The following HSF4 variants were observed in gnomAD, a reference collection of about 807,000 sequenced individuals.
HSF4 encodes the protein heat shock transcription factor 4.
Under a neutral mutation model 52.0 loss-of-function variants are expected in HSF4, and 41 were observed. That is an observed-to-expected ratio of 0.79 (90% CI 0.61 to 1.02). HSF4 has a LOEUF of 1.02. Ranked by LOEUF, HSF4 falls within the 50% of genes least tolerant of loss-of-function variation. The pLI, the probability that HSF4 is intolerant of heterozygous loss-of-function variation, is 0.00. For synonymous variants in HSF4, 285 were observed against 273.0 expected (o/e 1.04, Z -0.43); for missense variants, 610 against 651.1 (o/e 0.94, Z 0.69).
Position 67,169,901 on chromosome 16 carries a change from A to G in HSF4, c.*116A>G. On this transcript the variant is annotated 3_prime_UTR_variant, in exon 13 of 13. Coordinates refer to ENST00000521374, the MANE Select transcript of HSF4 (RefSeq NM_001374675.1). The surrounding 1 kb of genome is among the most constrained non-coding windows in gnomAD (Gnocchi z 4.3). Reference sequence around the variant, plus strand: ...CCCCACTACTAAATGGCCTCTCTCCACTACCCCGACTATCCCTGCACATAA... The same window carrying G: ...CCCCACTACTAAATGGCCTCTCTCCGCTACCCCGACTATCCCTGCACATAA... The G allele has an allele frequency of 1.0e-6, 1 of 991,352 alleles. No homozygotes were observed. The highest frequency in any genetic ancestry group is 1.6e-6 in the Non-Finnish European group (1 of 636,924). The allele number at this position is 991,352 out of a possible 1,614,324, so 61.4% of individuals were successfully genotyped here.
upstream of HSF4, chr16:67,164,101 G>A (rs762695164): frequency 1.6e-5 from 11 of 681,464 alleles, no homozygotes; most frequent in South Asian, 1.4e-4. Context: ...CCGCGGCCCC[G>A]GCGCAGGGAG....
chr16:67,167,764 G>T lies in HSF4; in HGVS notation c.899G>T (p.Gly300Val). The T allele has an allele frequency of 1.9e-6, 3 of 1,605,642 alleles. No individual in the cohort carries two copies. The highest frequency in any genetic ancestry group is 2.5e-6 in the Non-Finnish European group (3 of 1,176,590). Residue 300 changes from glycine to valine, a missense_variant, in exon 9 of 13, where the codon GGG (glycine) becomes GTG (valine). By Grantham distance (109) the Gly-to-Val change is moderately radical (BLOSUM62 -3). Coordinates refer to ENST00000521374, the MANE Select transcript of HSF4 (RefSeq NM_001374675.1). Reference sequence around the variant, plus strand: ...CTCAAAGAAGAGCCGGCCAGTCCAGGGGGGGATGGCGAGGCCGGGCTGGCC... The same window carrying T: ...CTCAAAGAAGAGCCGGCCAGTCCAGTGGGGGATGGCGAGGCCGGGCTGGCC... ...ALLKEEPASP[G>V]GDGEAGLALA... is the part of the protein sequence containing the mutation.
chr16:67,164,375 T>TCCCCCCCCC, upstream of HSF4: 1 of 402,870 alleles, frequency 2.5e-6, no homozygotes, highest in East Asian at 7.4e-5. Flanking sequence ...CGTGCTTCCC[T>TCCCCCCCCC]GCCCCCCCTT....
chr16:67,169,500 G>C lies in HSF4; in HGVS notation c.1325-131G>C. 6.3e-7 allele frequency: 1 copy of C among 1,582,468 alleles called. No homozygotes were observed. Among genetic ancestry groups the C allele is most frequent in the East Asian group, 2.3e-5 (1 of 43,676 alleles). On this transcript the variant is annotated intron_variant, in intron 12 of 12. Coordinates refer to ENST00000521374, the MANE Select transcript of HSF4 (RefSeq NM_001374675.1). The surrounding 1 kb of genome is among the most constrained non-coding windows in gnomAD (Gnocchi z 4.3). ...TTGAGCCACCCATGCCCTCACCATT[G>C]GGCGAGAGTGGGGAGGTTAAGAATG...
intron 6 of HSF4, 40 bp downstream of exon 6, chr16:67,166,662 G>A (rs1435032423): frequency 6.3e-7 from 1 of 1,588,924 alleles, no homozygotes; most frequent in East Asian, 2.2e-5. Flanking sequence ...CCACTTCCAA[G>A]ACCCCCCAGA....
chr16:67,166,018 G>T lies in HSF4; in HGVS notation c.433G>T (p.Ala145Ser), dbSNP rs900711365. The change falls in exon 4 of 13, where the codon GCT (alanine) becomes TCT (serine). Residue 145 changes from alanine to serine, a missense_variant. Coordinates refer to ENST00000521374, the MANE Select transcript of HSF4 (RefSeq NM_001374675.1). The part of the protein sequence containing the change: ...DLGRLLGEVQ[A>S]LRGVQESTEA... Reference sequence around the variant, plus strand: ...GGGTCGACTACTGGGCGAGGTGCAGGCTTTGCGGGGAGTGCAGGAGAGCAC... The same window carrying T: ...GGGTCGACTACTGGGCGAGGTGCAGTCTTTGCGGGGAGTGCAGGAGAGCAC... The T allele has an allele frequency of 2.6e-6, 4 of 1,536,596 alleles. No homozygotes were observed. Among genetic ancestry groups the T allele is most frequent in the Admixed American group, 2.0e-5 (1 of 51,176 alleles).
chr16:67,163,956 T>G (rs1393466470), upstream of HSF4: 1 of 1,341,854 alleles, frequency 7.5e-7, no homozygotes, highest in East Asian at 2.5e-5. Context: ...AGTTGGGAAC[T>G]GTGATGGCAT....
rs1270242606 is a variant in HSF4, at chr16:67,167,547, G to A, written c.802G>A (p.Asp268Asn). Reference sequence around the variant, plus strand: ...CCCCATCATCTCTGACATCCCAGAAGACTCTCCATCCCCTGAGGGGACCAG... The same window carrying A: ...CCCCATCATCTCTGACATCCCAGAAAACTCTCCATCCCCTGAGGGGACCAG... ...RGPIISDIPEDSPSPEGTRLS... is the reference protein window; with the variant it reads ...RGPIISDIPENSPSPEGTRLS... Residue 268 changes from aspartate (D) to asparagine (N), a missense_variant, in exon 8 of 13, where the codon GAC becomes AAC. By Grantham distance (23) the Asp-to-Asn change is conservative. Coordinates refer to ENST00000521374, the MANE Select transcript of HSF4 (RefSeq NM_001374675.1). 1 of 1,613,782 alleles carries A rather than the reference G, an allele frequency of 6.2e-7. No homozygotes were observed. The highest frequency in any genetic ancestry group is 1.1e-5 in the South Asian group (1 of 91,082).
chr16:67,169,083 G>A lies in HSF4; in HGVS notation c.1236G>A (p.Leu412=), dbSNP rs970761688. Residue 412 remains leucine, a synonymous_variant, in exon 11 of 13, where the codon TTG becomes TTA. Transcript: ENST00000521374. The surrounding 1 kb of genome is among the most constrained non-coding windows in gnomAD (Gnocchi z 4.3). ...LQGREWTLMD[L]DMELSLMQPL... ...GGCGAGAATGGACCCTGATGGACTT[G>A]GACATGGAGCTGTCCTTGGTAAGAA... 4 of 1,613,290 alleles carry A rather than the reference G, an allele frequency of 2.5e-6. No individual in the cohort carries two copies. In the African/African-American group the frequency reaches 5.3e-5, roughly 22 times the overall value.
Position 67,165,426 on chromosome 16 carries a change from T to G in HSF4, c.124-96T>G. The G allele has an allele frequency of 9.1e-7, 1 of 1,103,508 alleles. No individual in the cohort carries two copies. Among genetic ancestry groups the G allele is most frequent in the Non-Finnish European group, 1.4e-6 (1 of 721,162 alleles). The allele number at this position is 1,103,508 out of a possible 1,614,324, so 68.4% of individuals were successfully genotyped here. A position where few individuals can be genotyped will look rare whatever the true frequency, so the allele number is the denominator to read the frequency against. On this transcript the variant is annotated intron_variant, in intron 1 of 12. Coordinates refer to ENST00000521374, the MANE Select transcript of HSF4 (RefSeq NM_001374675.1). This position sits in a 1 kb window ranked among gnomAD's most constrained non-coding sequence, Gnocchi z 6.9. Reference sequence around the variant, plus strand: ...GCCTGGACCCAAGAGTGAGCATGAGTGTGTGCGCGCGCTGGAGCGCAGGAC... The same window carrying G: ...GCCTGGACCCAAGAGTGAGCATGAGGGTGTGCGCGCGCTGGAGCGCAGGAC...
chr16:67,165,393 A>G lies in HSF4; in HGVS notation c.124-129A>G, dbSNP rs2031179225. 5.8e-6 allele frequency: 5 copies of G among 864,712 alleles called. No individual in the cohort carries two copies. Among genetic ancestry groups the G allele is most frequent in the South Asian group, 5.5e-5 (4 of 72,086 alleles). 53.6% of individuals were successfully genotyped at this position (864,712 alleles called of 1,614,324 possible). On this transcript the variant is annotated intron_variant, in intron 1 of 12. Transcript: ENST00000521374. The surrounding 1 kb of genome is among the most constrained non-coding windows in gnomAD (Gnocchi z 6.9). ...CCTGGCCTCGACCCATATCCCCGTA[A>G]GCGGCAGGCCTGGACCCAAGAGTGA...
rs1460986986 is a variant in HSF4 at position 67,167,117 on chromosome 16, C to T, written c.627-3C>T. On this transcript the variant is annotated splice_region_variant and splice_polypyrimidine_tract_variant and intron_variant, in intron 6 of 12. Coordinates refer to ENST00000521374, the MANE Select transcript of HSF4 (RefSeq NM_001374675.1). ...CCTGCCTGTGCCCTGATCGACCACA[C>T]AGGTCCCTGATGCTGGATGAGGGGA... is the stretch of plus-strand genomic sequence containing the variant. 1.2e-6 allele frequency: 2 copies of T among 1,614,032 alleles called. No homozygotes were observed. The highest frequency in any genetic ancestry group is 1.1e-5 in the South Asian group (1 of 91,094).
In HSF4 at chr16:67,164,776, C is replaced by T; in HGVS notation, c.-36C>T. ...CGCGGCTTTGACGAGCCCGCAGCGG[C>T]CGGGCCCGAGCGCAGAGCCGGGCCG... On this transcript the variant is annotated 5_prime_UTR_variant, in exon 1 of 13. Coordinates refer to ENST00000521374, the MANE Select transcript of HSF4 (RefSeq NM_001374675.1). The T allele has an allele frequency of 6.4e-7, 1 of 1,571,408 alleles. No homozygotes were observed. The highest frequency in any genetic ancestry group is 1.1e-5 in the South Asian group (1 of 87,988).
chr16:67,163,774 A>C, upstream of HSF4: 1 of 1,572,902 alleles, frequency 6.4e-7, no homozygotes, highest in Non-Finnish European at 8.6e-7. Context: ...TATACCCTCA[A>C]GCTCACGCGC....
rs2145923481 is a variant in HSF4, at chr16:67,167,404, T to A, written c.730-71T>A. 3 of 1,612,630 alleles carry A rather than the reference T, an allele frequency of 1.9e-6. No individual in the cohort carries two copies. The East Asian group carries it at 6.7e-5, about 36-fold the overall frequency. On this transcript the variant is annotated intron_variant, in intron 7 of 12. Transcript: ENST00000521374. The stretch of plus-strand genomic sequence containing the variant: ...CCTTCTCCCTTAGACCTGGCCCAGG[T>A]GGGTGTTGGTGGGGTTCTGGCTCTC...
At chr16:67,168,298 C>G (rs1282708945) in intron 9 of HSF4, among the ~76,000 whole-genome samples, 1 of 152,038 alleles carries the variant, frequency 6.6e-6, no homozygotes, top group Non-Finnish European at 1.5e-5. Context: ...ATGGTGAAAC[C>G]CCCCGCCTCT....
chr16:67,166,733 C>T (rs1456379115), intron 6 of HSF4, 111 bp downstream of exon 6: 5 of 1,007,550 alleles, frequency 5.0e-6, no homozygotes, highest in Non-Finnish European at 7.7e-6. Flanking sequence ...CCTCATTCCT[C>T]CCCCTGCGCT....
At position 67,167,560 on chromosome 16, in the gene HSF4, C is replaced by A. The variant is rs370399070; in HGVS notation, c.815C>A (p.Pro272His). Residue 272 changes from proline (P) to histidine (H), a missense_variant, in exon 8 of 13, where the codon CCT (proline) becomes CAT (histidine). Transcript: ENST00000521374. Reference protein sequence around the residue: ...ISDIPEDSPSPEGTRLSPSSD... With the variant: ...ISDIPEDSPSHEGTRLSPSSD... ...GACATCCCAGAAGACTCTCCATCCCCTGAGGGGACCAGGCTTTCTCCCTCC... is the reference window on the plus strand; with the variant it reads ...GACATCCCAGAAGACTCTCCATCCCATGAGGGGACCAGGCTTTCTCCCTCC... 2 of 1,613,750 alleles carry A rather than the reference C, an allele frequency of 1.2e-6. No individual in the cohort carries two copies. The highest frequency in any genetic ancestry group is 1.1e-5 in the South Asian group (1 of 91,088).
upstream of HSF4, chr16:67,164,431 T>C: frequency 2.1e-6 from 1 of 483,752 alleles, no homozygotes; most frequent in Non-Finnish European, 4.1e-6. Flanking sequence ...CTCTGGCCAT[T>C]ACCTTCTAGG....
Sources: gnomAD v4.1 joint callset for allele counts (sites outside exome capture counted in the v4.1 genomes callset) on GRCh38, gnomAD v4.1.1 for gene constraint, Gnocchi (gnomAD v3.1) non-coding constraint, MANE v1.5 for transcripts, NCBI Gene and HGNC (gene_info 2026-07-23, HGNC 2026-07-21) for gene names.